Variants in PADI1 observed in about 807,000 individuals in gnomAD.
The protein encoded by PADI1 is peptidyl arginine deiminase 1, also known as protein-arginine deiminase type-1.
A neutral mutation model predicts 74.8 loss-of-function variants in PADI1; 65 were observed. The observed-to-expected ratio is 0.87, with a 90% CI of 0.71 to 1.07. The LOEUF (loss-of-function observed/expected upper bound fraction) is 1.07. Among genes scored for constraint, PADI1 ranks in the 50% least tolerant of loss-of-function variants. The probability of loss-of-function intolerance (pLI) is 0.00; values close to 1 mark genes in which losing one functional copy is unlikely to be tolerated. For synonymous variants in PADI1, 371 were observed against 336.2 expected, an observed-to-expected ratio of 1.10 and a Z score of -1.13; for missense variants, 943 against 854.0, an observed-to-expected ratio of 1.10 and a Z score of -1.30.
At chr1:17,241,302 C>T (rs1256801120) in intron 15 of PADI1, among the ~76,000 whole-genome samples, 4 of 152,220 alleles carry the variant, frequency 2.6e-5, no homozygotes, top group East Asian at 1.9e-4. Flanking sequence ...GCGATGCTAT[C>T]GGGGTGGGCC....
chr1:17,238,168 C>T (rs1216624539), intron 12 of PADI1, among the ~76,000 whole-genome samples: 1 of 152,234 alleles, frequency 6.6e-6, no homozygotes, highest in South Asian at 2.1e-4. Context: ...CCTGCCTCAG[C>T]CTCCCAAGTA....
At chr1:17,214,932 G>A (rs930783466) in intron 1 of PADI1, among the ~76,000 whole-genome samples, 1 of 152,226 alleles carries the variant, frequency 6.6e-6, no homozygotes, top group Non-Finnish European at 1.5e-5. Flanking sequence ...GAGAGAATAA[G>A]CAGACCCCTC....
chr1:17,217,310 C>G (rs994319297), intron 1 of PADI1, among the ~76,000 whole-genome samples: 1 of 152,086 alleles, frequency 6.6e-6, no homozygotes, highest in Non-Finnish European at 1.5e-5. Flanking sequence ...CCAGGTGGGC[C>G]GCAGTGTTGT....
rs1311109745 is a variant in PADI1, at chr1:17,225,851, T to C, written c.449T>C (p.Leu150Ser). The C allele has an allele frequency of 1.9e-6, 3 of 1,614,034 alleles. No individual in the cohort carries two copies. The African/African-American group carries it at 4.0e-5, about 22-fold the overall frequency. The part of the protein sequence containing the change: ...RWGPEGYGAI[L>S]LVNCDRDNHR... ...GGCCCTGAGGGCTATGGGGCTATCTTGCTGGTGAACTGTGACCGGGACAAT... is the reference window on the plus strand; with the variant it reads ...GGCCCTGAGGGCTATGGGGCTATCTCGCTGGTGAACTGTGACCGGGACAAT... Residue 150 changes from leucine to serine, a missense_variant, in exon 5 of 16, where the codon TTG (leucine) becomes TCG (serine). Coordinates refer to ENST00000375471, the MANE Select transcript of PADI1 (RefSeq NM_013358.3).
intron 4 of PADI1, 147 bp downstream of exon 4, chr1:17,224,575 A>C (rs2072257359): frequency 4.4e-6 from 3 of 675,682 alleles, no homozygotes; most frequent in African/African-American, 3.6e-5. Flanking sequence ...CTGGGACAGC[A>C]AAATTGGCAT....
In PADI1 at chr1:17,240,734, T is replaced by C. The variant is rs1377575854; in HGVS notation, c.1732T>C (p.Tyr578His). Residue 578 changes from tyrosine (Y) to histidine (H), a missense_variant, in exon 15 of 16, where the codon TAC (tyrosine) becomes CAC (histidine). Transcript: ENST00000375471. ...CCAGCTCTTCTTCCTGAAAAACTTC[T>C]ACGCGGAAGCCTTCTTCCCAGACAT... is the stretch of plus-strand genomic sequence containing the variant. ...IPQLFFLKNF[Y>H]AEAFFPDMVN... 1 of 1,614,044 alleles carries C rather than the reference T, an allele frequency of 6.2e-7. No homozygotes were observed. The highest frequency in any genetic ancestry group is 2.2e-5 in the East Asian group (1 of 44,880).
At chr1:17,236,965 C>G (rs1429258479) in intron 11 of PADI1, among the ~76,000 whole-genome samples, 2 of 152,144 alleles carry the variant, frequency 1.3e-5, no homozygotes, top group Non-Finnish European at 2.9e-5. Flanking sequence ...GGGCCTGGAG[C>G]CAAGTGAGCA....
At position 17,239,778 on chromosome 1, in the gene PADI1, G is replaced by A. The variant is rs747814814; in HGVS notation, c.1627G>A (p.Ala543Thr). ...DRHLQRDNLH[A>T]QKCIDWNRNV... ...ACACCTCCAGAGAGACAATCTTCATGCACAGGTGAGAGGCAGGACCACCAG... is the reference window on the plus strand; with the variant it reads ...ACACCTCCAGAGAGACAATCTTCATACACAGGTGAGAGGCAGGACCACCAG... Residue 543 changes from alanine to threonine, a missense_variant, in exon 14 of 16, where the codon GCA (alanine) becomes ACA (threonine). Coordinates refer to ENST00000375471, the MANE Select transcript of PADI1 (RefSeq NM_013358.3). The A allele has an allele frequency of 2.5e-6, 4 of 1,612,340 alleles. No individual in the cohort carries two copies. Among genetic ancestry groups the A allele is most frequent in the Non-Finnish European group, 3.4e-6 (4 of 1,178,420 alleles).
In PADI1 at chr1:17,228,749, C is replaced by T. The variant is rs147257776; in HGVS notation, c.777C>T (p.Ala259=). 114 of 1,614,056 alleles carry T rather than the reference C, an allele frequency of 7.1e-5. No individual in the cohort carries two copies. The African/African-American group carries it at 1.2e-3, about 17-fold the overall frequency. The change falls in exon 7 of 16, where the codon GCC becomes GCT. Residue 259 remains alanine, a synonymous_variant. Transcript: ENST00000375471. ...TGGAGGGGCTGACCTTCCCCGATGC[C>T]GATTTCCTAGGGCTGGTTTCCCTCA... The part of the protein sequence containing the change: ...FYVEGLTFPD[A]DFLGLVSLSV...
intron 10 of PADI1, 66 bp downstream of exon 10, chr1:17,230,745 C>A: frequency 4.6e-6 from 4 of 865,026 alleles, no homozygotes; most frequent in South Asian, 2.9e-5. Flanking sequence ...CCAGTGAAGT[C>A]TCATCTGGAC....
intron 11 of PADI1, among the ~76,000 whole-genome samples, chr1:17,233,711 G>T (rs990544579): frequency 3.3e-5 from 5 of 152,226 alleles, no homozygotes; most frequent in Non-Finnish European, 7.3e-5. Flanking sequence ...TGTTTGTGGG[G>T]TTTTTGCATA....
Position 17,238,662 on chromosome 1 carries a change from T to C in PADI1, c.1505T>C (p.Phe502Ser). ...AGCCCCAGCGCTTGCCTCAAACTCTTCCAAGAGAAGAAAGAAGAGGGTTAT... is the reference window on the plus strand; with the variant it reads ...AGCCCCAGCGCTTGCCTCAAACTCTCCCAAGAGAAGAAAGAAGAGGGTTAT... ...LASPSACLKLFQEKKEEGYGE... is the reference protein window; with the variant it reads ...LASPSACLKLSQEKKEEGYGE... The change falls in exon 13 of 16, where the codon TTC (phenylalanine) becomes TCC (serine). Residue 502 changes from phenylalanine (F) to serine (S), a missense_variant. Phe to Ser is a radical substitution (Grantham distance 155). Transcript: ENST00000375471. 6.4e-7 allele frequency: 1 copy of C among 1,555,632 alleles called. No individual in the cohort carries two copies. The highest frequency in any genetic ancestry group is 8.7e-7 in the Non-Finnish European group (1 of 1,145,326).
At chr1:17,218,144 G>C (rs562805971) in intron 1 of PADI1, among the ~76,000 whole-genome samples, 1 of 152,170 alleles carries the variant, frequency 6.6e-6, no homozygotes, top group Non-Finnish European at 1.5e-5. Context: ...AATTGCATTG[G>C]TCAAATCATG....
intron 13 of PADI1, 21 bp downstream of exon 13, chr1:17,238,730 CA>C: frequency 5.2e-6 from 7 of 1,357,620 alleles, no homozygotes; most frequent in African/African-American, 1.5e-5. Context: ...ATGACCCGGT[CA>C]CCCCTGGGGG....
At chr1:17,231,797 A>T (rs531312708) in intron 10 of PADI1, among the ~76,000 whole-genome samples, 1 of 151,526 alleles carries the variant, frequency 6.6e-6, no homozygotes, top group African/African-American at 2.4e-5. Context: ...TTTTTATTAT[A>T]CTTTAAGTTC....
chr1:17,226,618 T>C (rs12024177), intron 6 of PADI1, among the ~76,000 whole-genome samples: 17,866 of 152,166 alleles, frequency 0.12, 1,309 homozygotes, highest in East Asian at 0.25. Flanking sequence ...TTAATCAGCC[T>C]GTGGCTTAAA....
chr1:17,227,283 C>T (rs1569807784), intron 6 of PADI1, among the ~76,000 whole-genome samples: 1 of 150,466 alleles, frequency 6.6e-6, no homozygotes, highest in Admixed American at 6.6e-5. Flanking sequence ...CCCAGTGGCT[C>T]ATGCCTATAA....
At chr1:17,209,651 C>T (rs2071785319) in intron 1 of PADI1, among the ~76,000 whole-genome samples, 1 of 151,958 alleles carries the variant, frequency 6.6e-6, no homozygotes. Flanking sequence ...TTCCTGGATC[C>T]TAGTCTTGGA....
At position 17,244,057 on chromosome 1, in the gene PADI1, C is replaced by T. The variant is rs750113659; in HGVS notation, c.1806C>T (p.Tyr602=). 3.2e-5 allele frequency: 51 copies of T among 1,614,106 alleles called. No homozygotes were observed. The highest frequency in any genetic ancestry group is 1.9e-4 in the South Asian group (17 of 91,090). The change falls in exon 16 of 16, where the codon TAC becomes TAT. Residue 602 remains tyrosine (Y), a synonymous_variant. Transcript: ENST00000375471. ...AGTACCTGGGCATCCCCAAGCCCTA[C>T]GGGCCCATCATCAATGGCCGCTGCT... The part of the protein sequence containing the change: ...LGKYLGIPKP[Y]GPIINGRCCL...
Sources: gnomAD v4.1 joint callset for allele counts (sites outside exome capture counted in the v4.1 genomes callset) on GRCh38, gnomAD v4.1.1 for gene constraint, MANE v1.5 for transcripts, NCBI Gene and HGNC (gene_info 2026-07-23, HGNC 2026-07-21) for gene names.